The following KLHDC1 variants were observed in gnomAD, a reference collection of about 807,000 sequenced individuals.
The protein encoded by KLHDC1 is kelch domain containing 1.
In KLHDC1, 53 loss-of-function variants were observed where a neutral mutation model predicts 68.3. That is an observed-to-expected ratio of 0.78 (90% confidence interval 0.62 to 0.98). KLHDC1 has a LOEUF of 0.98. KLHDC1 is among the 50% of genes least tolerant of loss of function. The pLI is 0.00. For synonymous variants in KLHDC1, 148 were observed against 159.0 expected (o/e 0.93, Z 0.52); for missense variants, 470 against 492.3 (o/e 0.95, Z 0.43).
intron 1 of KLHDC1, among the ~76,000 whole-genome samples, chr14:49,704,227 T>C (rs1237298429): frequency 1.3e-5 from 2 of 152,118 alleles, no homozygotes; most frequent in Non-Finnish European, 2.9e-5. Flanking sequence ...TATGGACTAT[T>C]TGTGTCTTTT....
chr14:49,738,365 G>C (rs1451551098), intron 10 of KLHDC1, among the ~76,000 whole-genome samples: 1 of 143,892 alleles, frequency 6.9e-6, no homozygotes, highest in Non-Finnish European at 1.5e-5. Context: ...TTGAGTCAGA[G>C]TGTAGCTCTG....
intron 11 of KLHDC1, among the ~76,000 whole-genome samples, chr14:49,742,805 C>T (rs1889096391): frequency 6.6e-6 from 1 of 151,900 alleles, no homozygotes. Context: ...AAAAAAAGTG[C>T]CAGGCGTGGT....
chr14:49,730,452 C>G (rs1025208413), intron 8 of KLHDC1, among the ~76,000 whole-genome samples: 1 of 151,926 alleles, frequency 6.6e-6, no homozygotes, highest in African/African-American at 2.4e-5. Flanking sequence ...GATCTCTTGA[C>G]CTTGTGATCC....
chr14:49,725,882 C>G, intron 6 of KLHDC1, 113 bp downstream of exon 6: 1 of 592,904 alleles, frequency 1.7e-6, no homozygotes, highest in Non-Finnish European at 2.9e-6. Flanking sequence ...AAGTCTTGCT[C>G]TGTTGCCCAG....
At chr14:49,747,671 AG>A (rs1889232199) in intron 12 of KLHDC1, among the ~76,000 whole-genome samples, 1 of 152,196 alleles carries the variant, frequency 6.6e-6, no homozygotes, top group Non-Finnish European at 1.5e-5. Flanking sequence ...GGTGAGGATA[AG>A]AACTTAAGAT....
intron 4 of KLHDC1, among the ~76,000 whole-genome samples, chr14:49,712,845 G>A (rs185936622): frequency 6.6e-6 from 1 of 151,682 alleles, no homozygotes; most frequent in Admixed American, 6.6e-5. Context: ...TCACCATGTT[G>A]GTCAGCCTGG....
At chr14:49,700,828 C>A (rs1023208340) in intron 1 of KLHDC1, among the ~76,000 whole-genome samples, 1 of 152,144 alleles carries the variant, frequency 6.6e-6, no homozygotes, top group African/African-American at 2.4e-5. Flanking sequence ...CGCCTGTAAT[C>A]CCAGCACTTT....
At chr14:49,713,798 G>GTA (rs1174449263) in intron 4 of KLHDC1, among the ~76,000 whole-genome samples, 11 of 58,564 alleles carry the variant, frequency 1.9e-4, no homozygotes, top group African/African-American at 7.5e-4. Context: ...GAGGCAGGAG[G>GTA]TATATATATA....
chr14:49,725,584 T>C, intron 5 of KLHDC1, 102 bp from the exon 6 acceptor site: 1 of 694,272 alleles, frequency 1.4e-6, no homozygotes, highest in Non-Finnish European at 2.4e-6. Flanking sequence ...AACTCTATTT[T>C]TGTAAGGTGT....
intron 4 of KLHDC1, among the ~76,000 whole-genome samples, chr14:49,712,350 G>T (rs1281955817): frequency 2.0e-5 from 3 of 152,170 alleles, no homozygotes; most frequent in African/African-American, 7.2e-5. Flanking sequence ...AGTCTGCACT[G>T]TGTTGGTTGT....
intron 1 of KLHDC1, among the ~76,000 whole-genome samples, chr14:49,696,400 T>G (rs1352833715): frequency 6.6e-6 from 1 of 152,146 alleles, no homozygotes; most frequent in Non-Finnish European, 1.5e-5. Context: ...GCCAGGCCGA[T>G]CTCGAACTGA....
intron 11 of KLHDC1, among the ~76,000 whole-genome samples, chr14:49,740,661 C>T (rs986594542): frequency 1.3e-5 from 2 of 152,040 alleles, no homozygotes; most frequent in African/African-American, 4.8e-5. Context: ...TTTTATGAAG[C>T]CTTTCTGGAT....
At chr14:49,729,396 A>C (rs1057292484) in intron 7 of KLHDC1, 94 bp from the exon 8 acceptor site, 12 of 764,202 alleles carry the variant, frequency 1.6e-5, no homozygotes, top group Non-Finnish European at 2.5e-5. Flanking sequence ...TAAAATAGAG[A>C]TAGTCTATTT....
chr14:49,746,189 A>G (rs1327189965), intron 12 of KLHDC1, among the ~76,000 whole-genome samples: 1 of 152,226 alleles, frequency 6.6e-6, no homozygotes, highest in East Asian at 1.9e-4. Flanking sequence ...GCATAAGGGT[A>G]GAAATGATGA....
At chr14:49,718,256 TTCA>T (rs1208152986) in intron 4 of KLHDC1, among the ~76,000 whole-genome samples, 2 of 152,128 alleles carry the variant, frequency 1.3e-5, no homozygotes, top group Non-Finnish European at 2.9e-5. Context: ...TATACCCTTC[TTCA>T]TGGTATTCTG....
intron 1 of KLHDC1, among the ~76,000 whole-genome samples, chr14:49,704,580 A>G (rs1376216512): frequency 6.6e-6 from 1 of 151,408 alleles, no homozygotes; most frequent in African/African-American, 2.4e-5. Flanking sequence ...TTTTTAGTAG[A>G]GGCCAGAGTT....
At chr14:49,693,748 C>CTTTCTTTTTTTTTTTTTTTTTTT (rs1887645154) in intron 1 of KLHDC1, among the ~76,000 whole-genome samples, 1 of 61,540 alleles carries the variant, frequency 1.6e-5, no homozygotes, top group Non-Finnish European at 3.4e-5. Context: ...TTTTCTTTTT[C>CTTTCTTTTTTTTTTTTTTTTTTT]TTTTTTTTTT....
At chr14:49,713,726 A>T (rs1427032721) in intron 4 of KLHDC1, among the ~76,000 whole-genome samples, 1 of 147,930 alleles carries the variant, frequency 6.8e-6, no homozygotes, top group Admixed American at 6.9e-5. Flanking sequence ...TCTTTACTAA[A>T]AAGACAAATC....
chr14:49,693,748 C>CTTTTTTCTTTTTTTTTTTTT (rs1887645959), intron 1 of KLHDC1, among the ~76,000 whole-genome samples: 1 of 61,540 alleles, frequency 1.6e-5, no homozygotes, highest in Non-Finnish European at 3.4e-5. Context: ...TTTTCTTTTT[C>CTTTTTTCTTTTTTTTTTTTT]TTTTTTTTTT....
Sources: allele counts gnomAD v4.1 joint callset (sites outside exome capture counted in the v4.1 genomes callset), GRCh38; gene constraint gnomAD v4.1.1; transcripts MANE v1.5; gene names NCBI Gene and HGNC (gene_info 2026-07-23, HGNC 2026-07-21).